URB2: variants seen among roughly 807,000 people sequenced by gnomAD.
The protein encoded by URB2 is unhealthy ribosome biogenesis protein 2 homolog.
URB2 carries 86 observed loss-of-function variants against 120.9 expected under a neutral mutation model. The ratio of observed to expected loss-of-function variants is 0.71; its 90% CI spans 0.60 to 0.85. The LOEUF (loss-of-function observed/expected upper bound fraction) is 0.85. Among genes scored for constraint, URB2 ranks in the 40% least tolerant of loss-of-function variants. URB2 has a pLI of 0.00. For synonymous variants in URB2, 755 were observed against 758.4 expected (o/e 1.00, Z 0.07); for missense variants, 1,765 against 1,836.5 (o/e 0.96, Z 0.71).
At chr1:229,647,120 C>T (rs1393305167) in intron 6 of URB2, among the ~76,000 whole-genome samples, 1 of 152,176 alleles carries the variant, frequency 6.6e-6, no homozygotes, top group Non-Finnish European at 1.5e-5. Context: ...CCACTTACGT[C>T]CACCCAGAGG....
chr1:229,638,358 A>G (rs1008300331), intron 4 of URB2, 111 bp downstream of exon 4: 2 of 1,296,770 alleles, frequency 1.5e-6, no homozygotes, highest in Admixed American at 5.0e-5. Context: ...AAGGTACCAC[A>G]TGTGCGGCTG....
rs1665761364 is a variant in URB2 at position 229,635,095 on chromosome 1, C to T, written c.482C>T (p.Pro161Leu). The T allele has an allele frequency of 6.2e-7, 1 of 1,613,940 alleles. No homozygotes were observed. The highest frequency in any genetic ancestry group is 1.1e-5 in the South Asian group (1 of 91,076). ...CTTTGCTGGTCGGCCTGCAGGCAGC[C>T]CGAAGGAGCTGTGGTAGCCCAGTTG... ...SQLCWSACRQ[P>L]EGAVVAQLFE... Residue 161 changes from proline to leucine, a missense_variant, in exon 4 of 10, where the codon CCC (proline) becomes CTC (leucine). Physicochemically the swap from Pro to Leu is moderately conservative, Grantham distance 98. Transcript: ENST00000258243.
At chr1:229,641,317 T>C (rs922093768) in intron 4 of URB2, among the ~76,000 whole-genome samples, 8 of 152,134 alleles carry the variant, frequency 5.3e-5, no homozygotes, top group African/African-American at 1.9e-4. Flanking sequence ...CTGGCCAAGT[T>C]GAGGCAGTCT....
At chr1:229,628,105 A>G (rs1178736135) in intron 2 of URB2, among the ~76,000 whole-genome samples, 1 of 141,506 alleles carries the variant, frequency 7.1e-6, no homozygotes, top group Non-Finnish European at 1.5e-5. Context: ...TATATATTAT[A>G]TATGTATATA....
Position 229,635,248 on chromosome 1 carries a change from T to C in URB2, c.635T>C (p.Leu212Pro), listed in dbSNP as rs1279919731. The change falls in exon 4 of 10, where the codon CTC becomes CCC. Residue 212 changes from leucine (L) to proline (P), a missense_variant. Physicochemically the swap from Leu to Pro is moderately conservative, Grantham distance 98. Transcript: ENST00000258243. The part of the protein sequence containing the change: ...LQPCLVLRHL[L>P]SGGTWTQAGQ... ...CCGTGCCTGGTCCTGAGGCACTTAC[T>C]CTCTGGGGGCACATGGACGCAGGCT... 2 of 1,614,216 alleles carry C rather than the reference T, an allele frequency of 1.2e-6. No individual in the cohort carries two copies. The highest frequency in any genetic ancestry group is 1.3e-5 in the African/African-American group (1 of 75,072).
intron 5 of URB2, among the ~76,000 whole-genome samples, chr1:229,644,371 G>A (rs1414429079): frequency 6.6e-6 from 1 of 152,228 alleles, no homozygotes; most frequent in Non-Finnish European, 1.5e-5. Flanking sequence ...ACTGGTATTG[G>A]GTACTGATTT....
intron 1 of URB2, 115 bp from the exon 2 acceptor site, chr1:229,627,506 A>G: frequency 9.8e-7 from 1 of 1,021,856 alleles, no homozygotes; most frequent in Non-Finnish European, 1.3e-6. Flanking sequence ...AAAAACTTTT[A>G]AAAGAATACA....
intron 2 of URB2, among the ~76,000 whole-genome samples, chr1:229,628,136 A>T (rs1302466517): frequency 4.2e-5 from 5 of 118,982 alleles, no homozygotes; most frequent in South Asian, 2.4e-4. Context: ...TACATATATA[A>T]TATATATATA....
Position 229,659,125 on chromosome 1 carries a change from G to T in URB2, c.4403G>T (p.Ser1468Ile). 1 of 1,612,232 alleles carries T rather than the reference G, an allele frequency of 6.2e-7. No homozygotes were observed. The highest frequency in any genetic ancestry group is 8.5e-7 in the Non-Finnish European group (1 of 1,179,902). Residue 1468 changes from serine to isoleucine, a missense_variant, in exon 10 of 10, where the codon AGT becomes ATT. Physicochemically the swap from Ser to Ile is moderately radical, Grantham distance 142. Transcript: ENST00000258243. The stretch of plus-strand genomic sequence containing the variant: ...GTGACCTTATATCCAGCTGTGAAAA[G>T]TCTGCTGCAGGAGGGCATTTACCTC... ...QKVTLYPAVK[S>I]LLQEGIYLIL...
chr1:229,638,009 C>T lies in URB2; in HGVS notation c.3396C>T (p.Cys1132=). 1 of 1,613,316 alleles carries T rather than the reference C, an allele frequency of 6.2e-7. No homozygotes were observed. Among genetic ancestry groups the T allele is most frequent in the South Asian group, 1.1e-5 (1 of 90,950 alleles). ...TLLEADLGQH[C]RDGGADISQG... ...TGGAAGCCGACCTGGGTCAGCACTG[C>T]AGGGATGGAGGGGCCGACATTTCCC... Residue 1132 remains cysteine (C), a synonymous_variant, in exon 4 of 10, where the codon TGC becomes TGT. Transcript: ENST00000258243.
In URB2 at chr1:229,637,756, A is replaced by G; in HGVS notation, c.3143A>G (p.Gln1048Arg). Residue 1048 changes from glutamine (Q) to arginine (R), a missense_variant, in exon 4 of 10, where the codon CAG becomes CGG. Gln to Arg is a conservative substitution (Grantham distance 43, BLOSUM62 1). Coordinates refer to ENST00000258243, the MANE Select transcript of URB2 (RefSeq NM_014777.4). ...GCTTCAAGCAAACAATTAGAAAATC[A>G]GAACCCCCAGGGCAGGCAGCTCCTT... ...EAASSKQLEN[Q>R]NPQGRQLLLV... 1 of 1,614,178 alleles carries G rather than the reference A, an allele frequency of 6.2e-7. No homozygotes were observed. The highest frequency in any genetic ancestry group is 8.5e-7 in the Non-Finnish European group (1 of 1,180,038).
chr1:229,645,894 A>G lies in URB2; in HGVS notation c.3831A>G (p.Leu1277=). 1 of 1,614,162 alleles carries G rather than the reference A, an allele frequency of 6.2e-7. No homozygotes were observed. The highest frequency in any genetic ancestry group is 8.5e-7 in the Non-Finnish European group (1 of 1,180,028). ...VVSAVTLLRL[L]LNCPLSGEKA... is the part of the protein sequence containing the mutation. ...CAGCTGTTACACTGCTGAGGCTGCT[A>G]CTGAACTGCCCACTCAGTGGAGAGA... The change falls in exon 6 of 10, where the codon CTA becomes CTG. Residue 1277 remains leucine, a synonymous_variant. Coordinates refer to ENST00000258243, the MANE Select transcript of URB2 (RefSeq NM_014777.4).
At chr1:229,648,184 C>T (rs1382018113) in intron 7 of URB2, among the ~76,000 whole-genome samples, 1 of 152,066 alleles carries the variant, frequency 6.6e-6, no homozygotes, top group Non-Finnish European at 1.5e-5. Flanking sequence ...AAGTTACCTT[C>T]AGCTATGTGT....
chr1:229,652,137 G>A (rs910258374), intron 8 of URB2, among the ~76,000 whole-genome samples: 1 of 151,822 alleles, frequency 6.6e-6, no homozygotes, highest in Non-Finnish European at 1.5e-5. Context: ...AGCTGAGATC[G>A]CGCCATTGCA....
At chr1:229,649,815 C>T (rs1007898870) in intron 7 of URB2, among the ~76,000 whole-genome samples, 2 of 152,156 alleles carry the variant, frequency 1.3e-5, no homozygotes, top group Non-Finnish European at 2.9e-5. Context: ...CTCATGACAA[C>T]CTATCATCCT....
chr1:229,637,002 C>T lies in URB2; in HGVS notation c.2389C>T (p.His797Tyr). The T allele has an allele frequency of 6.2e-7, 1 of 1,614,086 alleles. No individual in the cohort carries two copies. The highest frequency in any genetic ancestry group is 1.1e-5 in the South Asian group (1 of 91,086). Residue 797 changes from histidine (H) to tyrosine (Y), a missense_variant, in exon 4 of 10, where the codon CAT becomes TAT. Coordinates refer to ENST00000258243, the MANE Select transcript of URB2 (RefSeq NM_014777.4). ...TLEKISKAFL[H>Y]SPLFPEMQSL... ...GGAAAAAATATCCAAAGCCTTCCTT[C>T]ATAGCCCTCTCTTTCCAGAGATGCA...
chr1:229,632,390 T>C lies in URB2; in HGVS notation c.248T>C (p.Leu83Ser), dbSNP rs763466456. The C allele has an allele frequency of 6.3e-7, 1 of 1,584,706 alleles. No homozygotes were observed. Among genetic ancestry groups the C allele is most frequent in the Non-Finnish European group, 8.5e-7 (1 of 1,170,406 alleles). ...YIDNILHSRKLQNLLKNGKTI... is the reference protein window; with the variant it reads ...YIDNILHSRKSQNLLKNGKTI... ...GATAACATTTTACATAGCAGAAAAT[T>C]GCAGAATCTCCTCAAGAATGGAAAG... Residue 83 changes from leucine to serine, a missense_variant, in exon 3 of 10, where the codon TTG (leucine) becomes TCG (serine). By Grantham distance (145) the Leu-to-Ser change is moderately radical. Transcript: ENST00000258243.
At chr1:229,653,404 C>T (rs1228558163) in intron 8 of URB2, among the ~76,000 whole-genome samples, 1 of 152,136 alleles carries the variant, frequency 6.6e-6, no homozygotes, top group African/African-American at 2.4e-5. Context: ...AGAATATTTT[C>T]CATCATCCTT....
At chr1:229,638,289 C>A in intron 4 of URB2, 42 bp downstream of exon 4, 1 of 1,523,142 alleles carries the variant, frequency 6.6e-7, no homozygotes, top group South Asian at 1.3e-5. Context: ...TTATAGAGGT[C>A]TGGTTTCCAC....
Sources: gnomAD v4.1 joint callset for allele counts (sites outside exome capture counted in the v4.1 genomes callset) on GRCh38, gnomAD v4.1.1 for gene constraint, MANE v1.5 for transcripts, NCBI Gene and HGNC (gene_info 2026-07-23, HGNC 2026-07-21) for gene names.